ULK4: variants seen among roughly 807,000 people sequenced by gnomAD.
The protein encoded by ULK4 is inactive serine/threonine-protein kinase ULK4.
A neutral mutation model predicts 160.6 loss-of-function variants in ULK4; 133 were observed. The observed-to-expected ratio is 0.83, with a 90% confidence interval of 0.72 to 0.96. ULK4 has a LOEUF of 0.96. ULK4 is among the 40% of genes least tolerant of loss of function. The pLI is 0.00. For synonymous variants in ULK4, 534 were observed against 539.8 expected (o/e 0.99, Z 0.15); for missense variants, 1,580 against 1,499.5 (o/e 1.05, Z -0.89).
chr3:41,380,051 C>T lies in ULK4; in HGVS notation c.3678+18028G>A, dbSNP rs777983346. On this transcript the variant is annotated intron_variant, in intron 35 of 36. Transcript: ENST00000301831. ...TGAAGAAAAAAATTAAAATCTTGCA[C>T]AAGATGTGAGATTTCATAAAATCAG... is the stretch of plus-strand genomic sequence containing the variant. 7.6e-4 allele frequency among the ~76,000 whole-genome samples: 115 copies of T among 152,046 alleles called. 1 individual carries two copies. The highest frequency in any genetic ancestry group is 2.4e-4 in the Non-Finnish European group (16 of 68,024).
rs74384585 is a variant in ULK4, at chr3:41,380,455, G to C, written c.3678+17624C>G. Among the ~76,000 whole-genome samples the C allele has an allele frequency of 6.9e-3, 1,051 of 152,216 alleles. 4 individuals are homozygous for C. Among genetic ancestry groups the C allele is most frequent in the African/African-American group, 0.016 (651 of 41,536 alleles). On this transcript the variant is annotated intron_variant, in intron 35 of 36. Transcript: ENST00000301831. ...CATCTACAGGCCTTCTTACCATACC[G>C]TCAGAGTAAGACTGCATCTCTACTG...
At chr3:41,345,814 T>C (rs1575452699) in intron 35 of ULK4, among the ~76,000 whole-genome samples, 1 of 151,996 alleles carries the variant, frequency 6.6e-6, no homozygotes, top group South Asian at 2.1e-4. Context: ...AATTAAAAAA[T>C]GTACAAAACA....
intron 31 of ULK4, among the ~76,000 whole-genome samples, chr3:41,594,637 G>A (rs531530965): frequency 1.3e-5 from 2 of 152,336 alleles, no homozygotes; most frequent in Admixed American, 1.3e-4. Flanking sequence ...AGATGCGAGG[G>A]ACAGAAGTGG....
At chr3:41,395,566 G>A (rs554461364) in intron 35 of ULK4, among the ~76,000 whole-genome samples, 1 of 152,222 alleles carries the variant, frequency 6.6e-6, no homozygotes, top group Non-Finnish European at 1.5e-5. Context: ...GAGGTACCTA[G>A]AGTAGTCAAA....
intron 34 of ULK4, among the ~76,000 whole-genome samples, chr3:41,398,996 T>C (rs183279874): frequency 6.6e-6 from 1 of 152,186 alleles, no homozygotes; most frequent in East Asian, 1.9e-4. Flanking sequence ...TTATTAACTA[T>C]AGTGCAGTGA....
In ULK4 at chr3:41,540,833, C is replaced by T. The variant is rs1237466630; in HGVS notation, c.3226+25192G>A. On this transcript the variant is annotated intron_variant, in intron 32 of 36. Transcript: ENST00000301831. The stretch of plus-strand genomic sequence containing the variant: ...TGTTTGTTGGCTGCATAAATGTCTT[C>T]TTTTGAGAAGTGTCTGTTCCTATCA... 2.0e-5 allele frequency among the ~76,000 whole-genome samples: 3 copies of T among 152,068 alleles called. No individual in the cohort carries two copies. The East Asian group carries it at 5.8e-4, about 29-fold the overall frequency.
intron 23 of ULK4, 129 bp downstream of exon 23, chr3:41,717,599 T>G: frequency 8.6e-7 from 1 of 1,158,918 alleles, no homozygotes. Context: ...AAACTACATA[T>G]TCGTTAAAAA....
At chr3:41,292,229 G>C (rs1434233722) in intron 35 of ULK4, among the ~76,000 whole-genome samples, 1 of 152,156 alleles carries the variant, frequency 6.6e-6, no homozygotes, top group African/African-American at 2.4e-5. Context: ...TAAGTGGAAG[G>C]TGGAGATTGT....
chr3:41,837,645 C>T (rs1034616731), intron 17 of ULK4, among the ~76,000 whole-genome samples: 5 of 151,938 alleles, frequency 3.3e-5, no homozygotes, highest in Non-Finnish European at 7.4e-5. Context: ...CTCACTGCAA[C>T]CTCTGCCTCC....
At chr3:41,348,206 C>CAAAAAAAAAAAAAAA (rs1197234650) in intron 35 of ULK4, among the ~76,000 whole-genome samples, 3 of 22,964 alleles carry the variant, frequency 1.3e-4, no homozygotes, top group East Asian at 1.4e-3. Context: ...AACTCTGTCT[C>CAAAAAAAAAAAAAAA]AAAAAAAAAA....
chr3:41,542,862 G>A (rs1027233960), intron 32 of ULK4, among the ~76,000 whole-genome samples: 6 of 151,908 alleles, frequency 3.9e-5, no homozygotes, highest in African/African-American at 1.2e-4. Context: ...TAACTGAATT[G>A]TATCATTAGA....
At chr3:41,300,523 C>T (rs2079763876) in intron 35 of ULK4, among the ~76,000 whole-genome samples, 2 of 151,984 alleles carry the variant, frequency 1.3e-5, no homozygotes, top group South Asian at 4.1e-4. Flanking sequence ...TCACTGGTTT[C>T]TGTATTAAAA....
At chr3:41,806,953 G>T (rs994202898) in intron 19 of ULK4, among the ~76,000 whole-genome samples, 2 of 151,962 alleles carry the variant, frequency 1.3e-5, no homozygotes, top group Non-Finnish European at 2.9e-5. Flanking sequence ...TTTGAGACCA[G>T]CCTGGGATAC....
At chr3:41,563,488 G>C (rs776043421) in intron 32 of ULK4, among the ~76,000 whole-genome samples, 19 of 152,110 alleles carry the variant, frequency 1.2e-4, no homozygotes, top group Non-Finnish European at 2.6e-4. Flanking sequence ...GTCACGTTCA[G>C]GTACACCAAT....
chr3:41,654,076 G>A (rs1026237143), intron 30 of ULK4, among the ~76,000 whole-genome samples: 4 of 152,226 alleles, frequency 2.6e-5, no homozygotes, highest in South Asian at 2.1e-4. Flanking sequence ...AGAAAACAAC[G>A]AGAAAATATC....
At position 41,497,464 on chromosome 3, in the gene ULK4, G is replaced by T. The variant is rs553496402; in HGVS notation, c.3227-34211C>A. On this transcript the variant is annotated intron_variant, in intron 32 of 36. Coordinates refer to ENST00000301831, the MANE Select transcript of ULK4 (RefSeq NM_017886.4). Reference sequence around the variant, plus strand: ...TCAAGAGGAAAAAGAAAGAATGGAAGAAAAAATATTTTTAAGAAATAATAG... The same window carrying T: ...TCAAGAGGAAAAAGAAAGAATGGAATAAAAAATATTTTTAAGAAATAATAG... Among the ~76,000 whole-genome samples the T allele has an allele frequency of 3.3e-5, 5 of 151,980 alleles. No individual in the cohort carries two copies. In the South Asian group the frequency reaches 6.2e-4, roughly 19 times the overall value.
At chr3:41,351,648 T>C (rs1347481520) in intron 35 of ULK4, among the ~76,000 whole-genome samples, 1 of 152,208 alleles carries the variant, frequency 6.6e-6, no homozygotes, top group Non-Finnish European at 1.5e-5. Context: ...TGCTTAAAGA[T>C]GAGGCTTTCT....
At chr3:41,355,509 C>G (rs976607594) in intron 35 of ULK4, among the ~76,000 whole-genome samples, 16 of 152,160 alleles carry the variant, frequency 1.1e-4, no homozygotes, top group African/African-American at 3.6e-4. Context: ...GGGCAGTATT[C>G]ATAATCAACT....
chr3:41,430,197 C>G (rs2082872645), intron 34 of ULK4, among the ~76,000 whole-genome samples: 1 of 152,138 alleles, frequency 6.6e-6, no homozygotes, highest in African/African-American at 2.4e-5. Context: ...CACTTCCTAA[C>G]AGTAGAAACT....
Sources: allele counts gnomAD v4.1 joint callset (sites outside exome capture counted in the v4.1 genomes callset), GRCh38; gene constraint gnomAD v4.1.1; transcripts MANE v1.5; gene names NCBI Gene and HGNC (gene_info 2026-07-23, HGNC 2026-07-21).